TTC16: variants seen among roughly 807,000 people sequenced by gnomAD.
TTC16 encodes the protein tetratricopeptide repeat domain 16.
A neutral mutation model predicts 80.4 loss-of-function variants in TTC16; 66 were observed. That is an observed-to-expected ratio of 0.82 (90% CI 0.67 to 1.01). TTC16 has a LOEUF of 1.01. Ranked by LOEUF, TTC16 falls within the 50% of genes least tolerant of loss-of-function variation. The pLI, the probability that TTC16 is intolerant of heterozygous loss-of-function variation, is 0.00. For synonymous variants in TTC16, 438 were observed against 451.3 expected (o/e 0.97, Z 0.37); for missense variants, 1,070 against 1,103.2 (o/e 0.97, Z 0.43).
Position 127,726,290 on chromosome 9 carries a change from C to T in TTC16, c.1311C>T (p.Pro437=). Residue 437 remains proline (P), a synonymous_variant, in exon 10 of 14, where the codon CCC becomes CCT. Coordinates refer to ENST00000373289, the MANE Select transcript of TTC16 (RefSeq NM_144965.3). ...TCTCCACGGCCATCCGGCACAACCC[C>T]CAGAAGGCCCAGTACTACCTGTACC... ...NHFSTAIRHN[P]QKAQYYLYRA... is the part of the protein sequence containing the mutation. 6.2e-7 allele frequency: 1 copy of T among 1,608,578 alleles called. No homozygotes were observed. Among genetic ancestry groups the T allele is most frequent in the Non-Finnish European group, 8.5e-7 (1 of 1,177,002 alleles).
At position 127,718,507 on chromosome 9, in the gene TTC16, T is replaced by G. The variant is rs1326889119; in HGVS notation, c.426+735T>G. Among the ~76,000 whole-genome samples, 1 of 152,226 alleles carries G rather than the reference T, an allele frequency of 6.6e-6. No individual in the cohort carries two copies. Among genetic ancestry groups the G allele is most frequent in the Non-Finnish European group, 1.5e-5 (1 of 68,044 alleles). On this transcript the variant is annotated intron_variant, in intron 4 of 13. Coordinates refer to ENST00000373289, the MANE Select transcript of TTC16 (RefSeq NM_144965.3). The surrounding 1 kb of genome is among the most constrained non-coding windows in gnomAD (Gnocchi z 4.6). ...GCTCTAAGCACTAAAAAGGTCACAG[T>G]GACCCCTAAGTGTATTTCAAAGGAA... is the stretch of plus-strand genomic sequence containing the variant.
intron 4 of TTC16, 41 bp from the exon 5 acceptor site, chr9:127,720,037 C>G (rs1843324816): frequency 6.3e-7 from 1 of 1,589,688 alleles, no homozygotes; most frequent in African/African-American, 1.3e-5. Context: ...TGCAGCTGGG[C>G]TGGGGTGGCA....
chr9:127,726,345 AT>A lies in TTC16; in HGVS notation c.1371del (p.Phe457LeufsTer23), dbSNP rs746423450. ...CAAGAGCCGGCAGCTGCTGCAGAAC[AT>A]TTTTGGGGCCCGCCAGGATGTGGCC... The part of the protein sequence containing the change: ...RAKSRQLLQN[I>X]FGARQDVATV... On this transcript the variant is annotated frameshift_variant, in exon 10 of 14. Transcript: ENST00000373289. LOFTEE classifies it high-confidence loss of function. 3 of 1,612,188 alleles carry A rather than the reference AT, an allele frequency of 1.9e-6. No individual in the cohort carries two copies. The highest frequency in any genetic ancestry group is 2.5e-6 in the Non-Finnish European group (3 of 1,179,342).
At position 127,727,054 on chromosome 9, in the gene TTC16, C is replaced by T. The variant is rs771176151; in HGVS notation, c.1510C>T (p.Gln504Ter). 14 of 1,611,976 alleles carry T rather than the reference C, an allele frequency of 8.7e-6. No individual in the cohort carries two copies. The African/African-American group carries it at 1.7e-4, about 20-fold the overall frequency. The change falls in exon 11 of 14, where the codon CAG becomes TAG. Residue 504 changes from glutamine to a stop codon, truncating the protein, a stop_gained. Coordinates refer to ENST00000373289, the MANE Select transcript of TTC16 (RefSeq NM_144965.3). LOFTEE classifies it high-confidence loss of function. ...CCAGATAGCCCACCTGGCCAGGCTG[C>T]AGCTGGAGCAGATGGTGGAGGGCAG... ...STQIAHLARL[Q>*]LEQMVEGSLQ...
At position 127,724,318 on chromosome 9, in the gene TTC16, C is replaced by T. The variant is rs1400920600; in HGVS notation, c.1071C>T (p.Ala357=). ...AGGGCGTGCTGCTGCTGAACAAGGC[C>T]CTCCGGGACGAGCAGCAGGAGAAAG... ...YQEGVLLLNK[A]LRDEQQEKGL... The change falls in exon 8 of 14, where the codon GCC becomes GCT. Residue 357 remains alanine, a synonymous_variant. Transcript: ENST00000373289. 6.2e-7 allele frequency: 1 copy of T among 1,612,934 alleles called. No homozygotes were observed. Among genetic ancestry groups the T allele is most frequent in the South Asian group, 1.1e-5 (1 of 91,074 alleles).
At chr9:127,728,500 C>T (rs1308392798) in intron 12 of TTC16, 1 of 152,226 alleles carries the variant, frequency 6.6e-6, no homozygotes, top group Non-Finnish European at 1.5e-5. Context: ...CCCTTGCCAT[C>T]AATAGAAAAT....
In TTC16 at chr9:127,717,804, AC is replaced by A. The variant is rs151211942; in HGVS notation, c.426+35del. ...GGGGCCTCCCGGGCCCATGCAGGGCACCCACCTCACACTTCTCAGGGGCTCT... is the reference window on the plus strand; with the variant it reads ...GGGGCCTCCCGGGCCCATGCAGGGCACCACCTCACACTTCTCAGGGGCTCT... On this transcript the variant is annotated intron_variant, in intron 4 of 13. Coordinates refer to ENST00000373289, the MANE Select transcript of TTC16 (RefSeq NM_144965.3). 2.2e-3 allele frequency: 3,570 copies of A among 1,598,596 alleles called. 94 individuals carry two copies. The East Asian group carries it at 0.063, about 28-fold the overall frequency.
At chr9:127,729,799 G>A (rs1370422870) in intron 13 of TTC16, 131 bp downstream of exon 13, 2 of 785,400 alleles carry the variant, frequency 2.5e-6, no homozygotes, top group Non-Finnish European at 2.1e-6. Context: ...CCTGGGGCGA[G>A]TGGCTCTAGA....
In TTC16 at chr9:127,724,266, A is replaced by C; in HGVS notation, c.1019A>C (p.His340Pro). The C allele has an allele frequency of 6.2e-7, 1 of 1,613,064 alleles. No homozygotes were observed. The highest frequency in any genetic ancestry group is 8.5e-7 in the Non-Finnish European group (1 of 1,180,020). Reference protein sequence around the residue: ...LLLTYNDFAVHCYRQGAYQEG... With the variant: ...LLLTYNDFAVPCYRQGAYQEG... Reference sequence around the variant, plus strand: ...CTGACCTACAACGACTTTGCCGTGCACTGCTACAGGCAGGGCGCCTACCAG... The same window carrying C: ...CTGACCTACAACGACTTTGCCGTGCCCTGCTACAGGCAGGGCGCCTACCAG... Residue 340 changes from histidine (H) to proline (P), a missense_variant, in exon 8 of 14, where the codon CAC becomes CCC. His to Pro is a moderately conservative substitution (Grantham distance 77). Transcript: ENST00000373289.
intron 11 of TTC16, 35 bp from the exon 12 acceptor site, chr9:127,727,235 G>A: frequency 1.3e-6 from 2 of 1,535,838 alleles, no homozygotes; most frequent in Non-Finnish European, 1.8e-6. Context: ...ATGGGCCAGG[G>A]AGACTGACAA....
In TTC16 at chr9:127,724,911, C is replaced by A. The variant is rs1271355222; in HGVS notation, c.1259+14C>A. ...GCAGAGGCGCAAGTGCGTGGGCTCCCGCCCCCACGGTGGGCGGGGCAGGCC... is the reference window on the plus strand; with the variant it reads ...GCAGAGGCGCAAGTGCGTGGGCTCCAGCCCCCACGGTGGGCGGGGCAGGCC... On this transcript the variant is annotated intron_variant, in intron 9 of 13. Coordinates refer to ENST00000373289, the MANE Select transcript of TTC16 (RefSeq NM_144965.3). 4.7e-6 allele frequency: 7 copies of A among 1,497,854 alleles called. No homozygotes were observed. 92.8% of individuals were successfully genotyped at this position (1,497,854 alleles called of 1,614,324 possible). A position where few individuals can be genotyped will look rare whatever the true frequency, so the allele number is the denominator to read the frequency against.
Position 127,730,725 on chromosome 9 carries a change from T to G in TTC16, c.1942T>G (p.Ser648Ala), listed in dbSNP as rs142252022. The G allele has an allele frequency of 1.2e-3, 1,899 of 1,613,530 alleles. 22 individuals carry two copies. In the East Asian group the frequency reaches 0.026, roughly 22 times the overall value. The change falls in exon 14 of 14, where the codon TCG (serine) becomes GCG (alanine). Residue 648 changes from serine (S) to alanine (A), a missense_variant. Ser to Ala is a moderately conservative substitution (Grantham distance 99, BLOSUM62 1). Coordinates refer to ENST00000373289, the MANE Select transcript of TTC16 (RefSeq NM_144965.3). ...TSATAVTFSD[S>A]SLLKTQSSDS... ...AGCCACCGCCGTGACATTCTCTGAC[T>G]CGTCACTGTTGAAGACGCAATCCTC...
rs1843228043 is a variant in TTC16 at position 127,718,645 on chromosome 9, A to C, written c.426+873A>C. ...AGTCTTGCTCTGTCACCGAGGCTGG[A>C]GCGCAATGGCGCAATCTCAGCTCAC... is the stretch of plus-strand genomic sequence containing the variant. On this transcript the variant is annotated intron_variant, in intron 4 of 13. Coordinates refer to ENST00000373289, the MANE Select transcript of TTC16 (RefSeq NM_144965.3). This position sits in a 1 kb window ranked among gnomAD's most constrained non-coding sequence, Gnocchi z 4.6. 6.6e-6 allele frequency among the ~76,000 whole-genome samples: 1 copy of C among 150,732 alleles called. No homozygotes were observed. The highest frequency in any genetic ancestry group is 2.4e-5 in the African/African-American group (1 of 40,910).
chr9:127,723,466 T>C (rs1032029187), intron 7 of TTC16, 133 bp downstream of exon 7: 1 of 852,882 alleles, frequency 1.2e-6, no homozygotes, highest in Non-Finnish European at 1.8e-6. Flanking sequence ...CTTTCCCTAC[T>C]TCCTACTGGG....
chr9:127,719,834 G>C (rs1377487078), intron 4 of TTC16, among the ~76,000 whole-genome samples: 2 of 152,144 alleles, frequency 1.3e-5, no homozygotes, highest in African/African-American at 4.8e-5. Flanking sequence ...CTTTGTTCCT[G>C]AATCTCTGTA....
Position 127,720,184 on chromosome 9 carries a change from T to A in TTC16, c.527+6T>A, listed in dbSNP as rs555234822. 1 of 1,613,480 alleles carries A rather than the reference T, an allele frequency of 6.2e-7. No individual in the cohort carries two copies. The highest frequency in any genetic ancestry group is 1.3e-5 in the African/African-American group (1 of 75,002). On this transcript the variant is annotated splice_donor_region_variant and intron_variant, in intron 5 of 13. Coordinates refer to ENST00000373289, the MANE Select transcript of TTC16 (RefSeq NM_144965.3). ...CCATGCTTCCGTTACCGATGGTGAG[T>A]GCCCCTGCCAGCCCCTTCTCCCAGC... is the stretch of plus-strand genomic sequence containing the variant.
chr9:127,724,965 G>A, intron 9 of TTC16, 68 bp downstream of exon 9: 1 of 1,430,262 alleles, frequency 7.0e-7, no homozygotes. Flanking sequence ...GAGGCCAACT[G>A]CTGGGATCCC....
intron 7 of TTC16, 107 bp from the exon 8 acceptor site, chr9:127,724,013 G>A: frequency 1.4e-6 from 2 of 1,402,276 alleles, no homozygotes; most frequent in Non-Finnish European, 1.9e-6. Context: ...TGCCTCCATG[G>A]GTCAGGAGGC....
Position 127,731,128 on chromosome 9 carries a change from G to C in TTC16, c.2345G>C (p.Ser782Thr). 6.2e-7 allele frequency: 1 copy of C among 1,611,872 alleles called. No homozygotes were observed. The highest frequency in any genetic ancestry group is 8.5e-7 in the Non-Finnish European group (1 of 1,179,438). The change falls in exon 14 of 14, where the codon AGC (serine) becomes ACC (threonine). Residue 782 changes from serine (S) to threonine (T), a missense_variant. Coordinates refer to ENST00000373289, the MANE Select transcript of TTC16 (RefSeq NM_144965.3). ...PRKVKAARGRSWRPSKVDATQ... is the reference protein window; with the variant it reads ...PRKVKAARGRTWRPSKVDATQ... The stretch of plus-strand genomic sequence containing the variant: ...AAGGTCAAGGCTGCTCGTGGCCGGA[G>C]CTGGAGACCCAGCAAGGTTGATGCC...
Sources: gnomAD v4.1 joint callset for allele counts (sites outside exome capture counted in the v4.1 genomes callset) on GRCh38, gnomAD v4.1.1 for gene constraint, Gnocchi (gnomAD v3.1) non-coding constraint, MANE v1.5 for transcripts, NCBI Gene and HGNC (gene_info 2026-07-23, HGNC 2026-07-21) for gene names.